Variants in CHRNA2 observed in about 807,000 individuals in gnomAD.
CHRNA2 encodes the protein neuronal acetylcholine receptor subunit alpha-2.
A neutral mutation model predicts 45.5 loss-of-function variants in CHRNA2; 40 were observed. The observed-to-expected ratio is 0.88, with a 90% CI of 0.68 to 1.15. The LOEUF is 1.15. CHRNA2 is among the 50% of genes most tolerant of loss of function. CHRNA2 has a pLI of 0.00. For missense variants in CHRNA2, 655 were observed against 701.7 expected, an observed-to-expected ratio of 0.93 and a Z score of 0.75; for synonymous variants, 301 against 296.7, an observed-to-expected ratio of 1.01 and a Z score of -0.15.
rs977148150 is a variant in CHRNA2 at position 27,460,573 on chromosome 8, G to A, written c.*1056C>T. 5 of 152,178 alleles carry A rather than the reference G, an allele frequency of 3.3e-5. No homozygotes were observed. Among genetic ancestry groups the A allele is most frequent in the African/African-American group, 1.2e-4 (5 of 41,372 alleles). 9.4% of individuals were successfully genotyped at this position (152,178 alleles called of 1,614,324 possible). On this transcript the variant is annotated 3_prime_UTR_variant, in exon 7 of 7. Transcript: ENST00000407991. The stretch of plus-strand genomic sequence containing the variant: ...CAGGCAGAGTACCTGCCTTTGAGAA[G>A]TTCAGAATCAAAGGAACTAAAGGCA...
chr8:27,466,665 C>G (rs921083715), intron 5 of CHRNA2, among the ~76,000 whole-genome samples: 3 of 152,230 alleles, frequency 2.0e-5, no homozygotes, highest in African/African-American at 7.2e-5. Context: ...TTATAGATGT[C>G]TATTTATTCC....
chr8:27,470,929 T>C, intron 2 of CHRNA2, 57 bp downstream of exon 2: 1 of 1,568,786 alleles, frequency 6.4e-7, no homozygotes, highest in South Asian at 1.1e-5. Context: ...CTTCCTACAA[T>C]TTGTGAGCCC....
intron 1 of CHRNA2, among the ~76,000 whole-genome samples, chr8:27,471,620 C>A (rs889138059): frequency 3.3e-5 from 5 of 152,222 alleles, no homozygotes; most frequent in African/African-American, 1.2e-4. Context: ...GGCAGTAAAT[C>A]CTTACAACGG....
chr8:27,472,394 G>C (rs1028564623), intron 1 of CHRNA2, among the ~76,000 whole-genome samples: 1 of 152,192 alleles, frequency 6.6e-6, no homozygotes, highest in Non-Finnish European at 1.5e-5. Flanking sequence ...GTCTCCAGAT[G>C]GATGGTGTCT....
rs1812553075 is a variant in CHRNA2, at chr8:27,463,079, A to G, written c.1364T>C (p.Leu455Pro). ...GASGPKAEAL[L>P]QEGELLLSPH... ...TGATAGCAGCAGCTCACCCTCCTGC[A>G]GCAGAGCCTCAGCCTTGGGACCTGA... The change falls in exon 6 of 7, where the codon CTG becomes CCG. Residue 455 changes from leucine to proline, a missense_variant. This residue lies in a region of CHRNA2 where 295 missense variants were observed against 280.4 expected (regional missense o/e 1.05). Transcript: ENST00000407991. The surrounding 1 kb of genome is among the most constrained non-coding windows in gnomAD (Gnocchi z 6.1). The G allele has an allele frequency of 1.2e-6, 2 of 1,612,904 alleles. No homozygotes were observed. The highest frequency in any genetic ancestry group is 1.3e-5 in the African/African-American group (1 of 75,046).
chr8:27,470,649 CAGAA>C (rs1563323678), intron 2 of CHRNA2, among the ~76,000 whole-genome samples: 1 of 152,260 alleles, frequency 6.6e-6, no homozygotes, highest in Non-Finnish European at 1.5e-5. Context: ...CCATCTGGGA[CAGAA>C]AGCGCTGTGT....
intron 6 of CHRNA2, 82 bp downstream of exon 6, chr8:27,462,897 A>C: frequency 6.3e-7 from 1 of 1,580,850 alleles, no homozygotes; most frequent in Non-Finnish European, 8.7e-7. Flanking sequence ...TGGGCTGCCC[A>C]AGCTCACACT....
At position 27,469,742 on chromosome 8, in the gene CHRNA2, G is replaced by T. The variant is rs368211446; in HGVS notation, c.294+19C>A. 6.2e-7 allele frequency: 1 copy of T among 1,613,810 alleles called. No homozygotes were observed. Among genetic ancestry groups the T allele is most frequent in the Non-Finnish European group, 8.5e-7 (1 of 1,179,760 alleles). On this transcript the variant is annotated intron_variant, in intron 3 of 6. Transcript: ENST00000407991. Reference sequence around the variant, plus strand: ...CTGGGATCTCCTTCCTCGGGCCAGCGGTGGGAAGACAGGCGCACCACATCG... The same window carrying T: ...CTGGGATCTCCTTCCTCGGGCCAGCTGTGGGAAGACAGGCGCACCACATCG...
In CHRNA2 at chr8:27,461,952, A is replaced by G. The variant is rs577336533; in HGVS notation, c.1465-198T>C. Among the ~76,000 whole-genome samples, 8 of 152,280 alleles carry G rather than the reference A, an allele frequency of 5.3e-5. No individual in the cohort carries two copies. In the East Asian group the frequency reaches 9.7e-4, roughly 18 times the overall value. On this transcript the variant is annotated intron_variant, in intron 6 of 6. Transcript: ENST00000407991. ...CTGTTTCAAGGCTCCAGTAAGCTCC[A>G]CTGATGATTCCCCTCCCATCCCAGC...
At position 27,473,535 on chromosome 8, in the gene CHRNA2, C is replaced by G. The variant is rs765244829; in HGVS notation, c.-136-2341G>C. On this transcript the variant is annotated intron_variant, in intron 1 of 6. Coordinates refer to ENST00000407991, the MANE Select transcript of CHRNA2 (RefSeq NM_000742.4). Reference sequence around the variant, plus strand: ...GGCAACATAGTGAGACCCCCCCCGCCGTCTCTACAAAAAATTCAAAAATTA... The same window carrying G: ...GGCAACATAGTGAGACCCCCCCCGCGGTCTCTACAAAAAATTCAAAAATTA... 1.9e-4 allele frequency among the ~76,000 whole-genome samples: 26 copies of G among 138,372 alleles called. 1 individual carries two copies. The East Asian group carries it at 4.5e-3, about 24-fold the overall frequency. 90.8% of individuals were successfully genotyped at this position (138,372 alleles called of 152,430 possible).
chr8:27,476,626 T>G (rs1813068507), intron 1 of CHRNA2, among the ~76,000 whole-genome samples: 1 of 152,238 alleles, frequency 6.6e-6, no homozygotes, highest in South Asian at 2.1e-4. Flanking sequence ...TCTTTCATCC[T>G]TTCTACCTGG....
chr8:27,460,225 TGGG>T lies in CHRNA2; in HGVS notation c.*1401_*1403del, dbSNP rs1166773125. On this transcript the variant is annotated 3_prime_UTR_variant, in exon 7 of 7. Coordinates refer to ENST00000407991, the MANE Select transcript of CHRNA2 (RefSeq NM_000742.4). Reference sequence around the variant, plus strand: ...TCCCACCCTCCAGTCTGGACAGAGTTGGGGGGAGGTCTGTTGCCCGATCCCAGG... The same window carrying T: ...TCCCACCCTCCAGTCTGGACAGAGTTGGGAGGTCTGTTGCCCGATCCCAGG... 1 of 152,036 alleles carries T rather than the reference TGGG, an allele frequency of 6.6e-6. No homozygotes were observed. Among genetic ancestry groups the T allele is most frequent in the Non-Finnish European group, 1.5e-5 (1 of 68,032 alleles). 9.4% of individuals were successfully genotyped at this position (152,036 alleles called of 1,614,324 possible).
chr8:27,473,890 C>T (rs889389033), intron 1 of CHRNA2, among the ~76,000 whole-genome samples: 1 of 152,182 alleles, frequency 6.6e-6, no homozygotes, highest in Non-Finnish European at 1.5e-5. Context: ...TGCACCGGCC[C>T]ATCCTAACCT....
At chr8:27,466,526 A>G (rs1333948088) in intron 5 of CHRNA2, among the ~76,000 whole-genome samples, 2 of 152,186 alleles carry the variant, frequency 1.3e-5, no homozygotes, top group African/African-American at 4.8e-5. Flanking sequence ...TTATAACTCA[A>G]AGAAGCCATG....
At chr8:27,477,476 G>C (rs1182203148) in intron 1 of CHRNA2, among the ~76,000 whole-genome samples, 7 of 152,036 alleles carry the variant, frequency 4.6e-5, no homozygotes, top group African/African-American at 1.7e-4. Context: ...GCATCATTTA[G>C]AGATCCAAGG....
intron 1 of CHRNA2, among the ~76,000 whole-genome samples, chr8:27,478,471 C>T (rs1236589138): frequency 6.6e-6 from 1 of 152,178 alleles, no homozygotes; most frequent in Non-Finnish European, 1.5e-5. Context: ...AATAGCATTG[C>T]TGTCTTTTAG....
chr8:27,464,354 T>C (rs1812631926), intron 5 of CHRNA2, among the ~76,000 whole-genome samples: 1 of 152,184 alleles, frequency 6.6e-6, no homozygotes, highest in Non-Finnish European at 1.5e-5. Flanking sequence ...TTTGTGATCA[T>C]GGGGTATATG....
Position 27,461,473 on chromosome 8 carries a change from T to C in CHRNA2, c.*156A>G. 1 of 1,056,088 alleles carries C rather than the reference T, an allele frequency of 9.5e-7. No individual in the cohort carries two copies. The highest frequency in any genetic ancestry group is 2.5e-5 in the East Asian group (1 of 40,256). 65.4% of individuals were successfully genotyped at this position (1,056,088 alleles called of 1,614,324 possible). On this transcript the variant is annotated 3_prime_UTR_variant, in exon 7 of 7. Transcript: ENST00000407991. ...GCTGTCAGCCCTGGTACAATAACGT[T>C]AAGCTGGATGGAAGCCTGCAATCCC...
rs1281786411 is a variant in CHRNA2, at chr8:27,461,613, C to T, written c.*16G>A. 2 of 1,614,126 alleles carry T rather than the reference C, an allele frequency of 1.2e-6. No individual in the cohort carries two copies. The highest frequency in any genetic ancestry group is 2.2e-5 in the South Asian group (2 of 91,080). On this transcript the variant is annotated 3_prime_UTR_variant, in exon 7 of 7. Transcript: ENST00000407991. ...TCAGCGGGGGTGCCCTGGGAGCCAG[C>T]TCGAGGGAGGTGCAGTCAGATCATT...
Sources: allele counts gnomAD v4.1 joint callset (sites outside exome capture counted in the v4.1 genomes callset), GRCh38; gene constraint gnomAD v4.1.1; regional missense constraint gnomAD v4.1.1; non-coding constraint Gnocchi (gnomAD v3.1); transcripts MANE v1.5; gene names NCBI Gene and HGNC (gene_info 2026-07-23, HGNC 2026-07-21).